The following GPCPD1 variants were observed in gnomAD, a reference collection of about 807,000 sequenced individuals.
GPCPD1 encodes glycerophosphocholine phosphodiesterase 1.
GPCPD1 carries 29 observed loss-of-function variants against 89.2 expected under a neutral mutation model. The ratio of observed to expected loss-of-function variants is 0.33; its 90% CI spans 0.24 to 0.44. GPCPD1 has a LOEUF of 0.44. Ranked by LOEUF, GPCPD1 falls within the 20% of genes least tolerant of loss-of-function variation. The probability of loss-of-function intolerance (pLI) is 1.00; values close to 1 mark genes in which losing one functional copy is unlikely to be tolerated. For missense variants in GPCPD1, 594 were observed against 808.9 expected (o/e 0.73, Z 3.22); for synonymous variants, 258 against 266.3 (o/e 0.97, Z 0.30).
chr20:5,568,512 T>C (rs1986528589), intron 12 of GPCPD1, among the ~76,000 whole-genome samples: 1 of 152,164 alleles, frequency 6.6e-6, no homozygotes. Flanking sequence ...ATTGCTTTCA[T>C]TTCTCAATTA....
At chr20:5,567,715 C>T in intron 12 of GPCPD1, 155 bp from the exon 13 acceptor site, 1 of 662,540 alleles carries the variant, frequency 1.5e-6, no homozygotes, top group Non-Finnish European at 2.3e-6. Flanking sequence ...CATACTGAGC[C>T]CATGCAGGAC....
chr20:5,570,426 CAA>C (rs36030193), intron 11 of GPCPD1, among the ~76,000 whole-genome samples, 187 bp from the exon 12 acceptor site: 1 of 86,038 alleles, frequency 1.2e-5, no homozygotes, highest in African/African-American at 4.4e-5. Context: ...TTTTTCCTGG[CAA>C]AAAAAAAAAA....
Position 5,557,961 on chromosome 20 carries a change from C to A in GPCPD1, c.1813G>T (p.Gly605Cys). 1 of 1,585,972 alleles carries A rather than the reference C, an allele frequency of 6.3e-7. No homozygotes were observed. The highest frequency in any genetic ancestry group is 1.7e-4 in the Middle Eastern group (1 of 6,002). ...AACAAATACCTATCATAAATTAGAC[C>A]ATTAACTCCAAGTTCCTTCAATTTC... ...RRKLKELGVN[G>C]LIYDRIYDWM... The change falls in exon 19 of 20, where the codon GGT becomes TGT. Residue 605 changes from glycine to cysteine, a missense_variant. Transcript: ENST00000379019.
intron 15 of GPCPD1, among the ~76,000 whole-genome samples, chr20:5,564,105 T>A (rs767788991): frequency 6.6e-6 from 1 of 152,052 alleles, no homozygotes; most frequent in Non-Finnish European, 1.5e-5. Context: ...AGAGCCAGCA[T>A]CTCCTTGGCA....
In GPCPD1 at chr20:5,546,113, A is replaced by G. The variant is rs914279191; in HGVS notation, c.*1548T>C. On this transcript the variant is annotated 3_prime_UTR_variant, in exon 20 of 20. Transcript: ENST00000379019. ...TTGGAAAATCTCATACAATGTGGGAAAAGTATACAGAACCCTTGCAGAAGA... is the reference window on the plus strand; with the variant it reads ...TTGGAAAATCTCATACAATGTGGGAGAAGTATACAGAACCCTTGCAGAAGA... 6.6e-6 allele frequency: 1 copy of G among 152,250 alleles called. No individual in the cohort carries two copies. Among genetic ancestry groups the G allele is most frequent in the South Asian group, 2.1e-4 (1 of 4,834 alleles). The allele number at this position is 152,250 out of a possible 1,614,324, so 9.4% of individuals were successfully genotyped here.
At chr20:5,593,088 A>G (rs769077810) in intron 4 of GPCPD1, among the ~76,000 whole-genome samples, 1 of 152,234 alleles carries the variant, frequency 6.6e-6, no homozygotes, top group Non-Finnish European at 1.5e-5. Flanking sequence ...GAACACATTA[A>G]AACCAATTTC....
At chr20:5,592,293 C>A (rs1310242643) in intron 4 of GPCPD1, among the ~76,000 whole-genome samples, 1 of 152,186 alleles carries the variant, frequency 6.6e-6, no homozygotes, top group African/African-American at 2.4e-5. Flanking sequence ...TGCATAACCC[C>A]ATGCCAAATA....
At chr20:5,548,872 T>TC in intron 19 of GPCPD1, 1 of 990,294 alleles carries the variant, frequency 1.0e-6, no homozygotes, top group Non-Finnish European at 1.4e-6. Context: ...CTACTCCTAA[T>TC]CCCCCTGTGA....
At chr20:5,571,650 T>C (rs1986723899) in intron 11 of GPCPD1, among the ~76,000 whole-genome samples, 1 of 152,226 alleles carries the variant, frequency 6.6e-6, no homozygotes, top group African/African-American at 2.4e-5. Flanking sequence ...GGCTCACGCC[T>C]ATAATGCCAG....
chr20:5,557,694 C>G (rs959361168), intron 19 of GPCPD1, among the ~76,000 whole-genome samples: 1 of 152,112 alleles, frequency 6.6e-6, no homozygotes, highest in African/African-American at 2.4e-5. Flanking sequence ...TAAGGGCTGG[C>G]AGTCACCCTC....
intron 14 of GPCPD1, among the ~76,000 whole-genome samples, chr20:5,566,021 T>C (rs1190560257): frequency 6.6e-6 from 1 of 152,192 alleles, no homozygotes; most frequent in Non-Finnish European, 1.5e-5. Context: ...CTAAGACTCA[T>C]AAAATATCTA....
chr20:5,565,829 CTTT>C (rs1484550789), intron 14 of GPCPD1, among the ~76,000 whole-genome samples: 1 of 152,042 alleles, frequency 6.6e-6, no homozygotes, highest in Non-Finnish European at 1.5e-5. Flanking sequence ...AACTATTGTG[CTTT>C]TGTTATTATC....
intron 1 of GPCPD1, among the ~76,000 whole-genome samples, chr20:5,608,830 T>C (rs1234250119): frequency 6.6e-6 from 1 of 152,260 alleles, no homozygotes; most frequent in Non-Finnish European, 1.5e-5. Flanking sequence ...TCTGTACTTT[T>C]TGAAGAGAAA....
At chr20:5,600,848 G>A (rs779802379) in intron 2 of GPCPD1, among the ~76,000 whole-genome samples, 1 of 151,164 alleles carries the variant, frequency 6.6e-6, no homozygotes, top group African/African-American at 2.4e-5. Context: ...AAATTAGCCG[G>A]GTATGGTGGC....
intron 18 of GPCPD1, 59 bp from the exon 19 acceptor site, chr20:5,558,164 C>CCTG: frequency 9.6e-7 from 1 of 1,046,148 alleles, no homozygotes; most frequent in Admixed American, 2.2e-5. Flanking sequence ...AAGCTAAATG[C>CCTG]TCACACTCTA....
chr20:5,605,903 C>T (rs971488190), intron 1 of GPCPD1, among the ~76,000 whole-genome samples: 11 of 152,098 alleles, frequency 7.2e-5, no homozygotes, highest in African/African-American at 2.2e-4. Flanking sequence ...TCTAATTGAC[C>T]TTATATCCAT....
intron 3 of GPCPD1, among the ~76,000 whole-genome samples, chr20:5,594,725 T>C (rs1305354061): frequency 6.6e-6 from 1 of 152,252 alleles, no homozygotes. Context: ...CTTACTCTGA[T>C]ACAAGCTTAG....
At chr20:5,575,192 C>T (rs923097802) in intron 10 of GPCPD1, among the ~76,000 whole-genome samples, 3 of 152,166 alleles carry the variant, frequency 2.0e-5, no homozygotes, top group African/African-American at 7.2e-5. Flanking sequence ...GCTTTCCTTC[C>T]TGCCTTTCTA....
chr20:5,584,192 T>C, intron 6 of GPCPD1, 89 bp downstream of exon 6: 1 of 698,898 alleles, frequency 1.4e-6, no homozygotes, highest in South Asian at 1.8e-5. Context: ...CTGTATGTTC[T>C]ATTTTCCTGT....
Sources: gnomAD v4.1 joint callset for allele counts (sites outside exome capture counted in the v4.1 genomes callset) on GRCh38, gnomAD v4.1.1 for gene constraint, MANE v1.5 for transcripts, NCBI Gene and HGNC (gene_info 2026-07-23, HGNC 2026-07-21) for gene names.